The following PACRG variants were observed in gnomAD, a reference collection of about 807,000 sequenced individuals.
PACRG encodes parkin coregulated gene protein.
A neutral mutation model predicts 29.7 loss-of-function variants in PACRG; 29 were observed. The observed-to-expected ratio is 0.98, with a 90% CI of 0.73 to 1.33. PACRG has a LOEUF of 1.33. Ranked by LOEUF, PACRG falls within the 40% of genes most tolerant of loss-of-function variation. PACRG has a pLI of 0.00. For synonymous variants in PACRG, 116 were observed against 118.7 expected, an observed-to-expected ratio of 0.98 and a Z score of 0.15; for missense variants, 279 against 316.2, an observed-to-expected ratio of 0.88 and a Z score of 0.89.
At chr6:162,780,935 A>G (rs532250263) in intron 1 of PACRG, among the ~76,000 whole-genome samples, 2 of 152,206 alleles carry the variant, frequency 1.3e-5, no homozygotes, top group East Asian at 1.9e-4. Flanking sequence ...CATGTAATTC[A>G]AGTCACTGAA....
rs1443759423 is a variant in PACRG, at chr6:163,290,300, A to G, written c.614-24527A>G. Among the ~76,000 whole-genome samples the G allele has an allele frequency of 8.9e-3, 1,342 of 151,558 alleles. 24 individuals carry two copies. Among genetic ancestry groups the G allele is most frequent in the African/African-American group, 0.031 (1,283 of 41,332 alleles). ...CGCGCACACACACACACACACACAC[A>G]CACACACACACACACACACACACAG... On this transcript the variant is annotated intron_variant, in intron 4 of 4. Coordinates refer to ENST00000366888, the MANE Select transcript of PACRG (RefSeq NM_001080379.2).
intron 2 of PACRG, among the ~76,000 whole-genome samples, chr6:162,843,020 G>T (rs1212965456): frequency 7.0e-6 from 1 of 142,578 alleles, no homozygotes; most frequent in Non-Finnish European, 1.5e-5. Flanking sequence ...CTCTCTGGCT[G>T]CCCTTAACAT....
chr6:163,088,709 T>C (rs1813819275), intron 3 of PACRG, among the ~76,000 whole-genome samples: 1 of 152,196 alleles, frequency 6.6e-6, no homozygotes, highest in Non-Finnish European at 1.5e-5. Flanking sequence ...ATTTTGCTTT[T>C]CTTTCCTACT....
chr6:162,859,050 A>C (rs2128438933), intron 2 of PACRG, among the ~76,000 whole-genome samples: 1 of 152,302 alleles, frequency 6.6e-6, no homozygotes, highest in African/African-American at 2.4e-5. Context: ...CTGAACCCCA[A>C]AAATATTCTA....
At chr6:163,196,633 T>C (rs1780462272) in intron 4 of PACRG, among the ~76,000 whole-genome samples, 1 of 152,210 alleles carries the variant, frequency 6.6e-6, no homozygotes, top group African/African-American at 2.4e-5. Context: ...ACTTCAGTGA[T>C]GGTTTCTTGA....
At chr6:163,050,781 G>A (rs914680866) in intron 2 of PACRG, among the ~76,000 whole-genome samples, 7 of 151,930 alleles carry the variant, frequency 4.6e-5, no homozygotes, top group African/African-American at 1.5e-4. Flanking sequence ...ATCTTTTATT[G>A]TAAACTGTCT....
chr6:162,970,842 C>T (rs1801467486), intron 2 of PACRG, among the ~76,000 whole-genome samples: 1 of 102,076 alleles, frequency 9.8e-6, no homozygotes, highest in Non-Finnish European at 2.2e-5. Context: ...CTGGCATTGC[C>T]CCTGTCACCT....
At chr6:162,768,877 G>A (rs1003077039) in intron 1 of PACRG, among the ~76,000 whole-genome samples, 3 of 152,168 alleles carry the variant, frequency 2.0e-5, no homozygotes, top group African/African-American at 7.2e-5. Context: ...ACTCAGAAGT[G>A]AGCTTAAACT....
intron 2 of PACRG, among the ~76,000 whole-genome samples, chr6:163,026,682 G>A (rs11964050): frequency 0.029 from 4,344 of 152,246 alleles, 206 homozygotes; most frequent in African/African-American, 0.099. Flanking sequence ...TTACTGTCAG[G>A]TCCTTGAGGG....
intron 2 of PACRG, among the ~76,000 whole-genome samples, chr6:162,975,599 G>A (rs1032893884): frequency 5.3e-5 from 8 of 152,018 alleles, no homozygotes; most frequent in African/African-American, 1.7e-4. Flanking sequence ...CTGAAGATAA[G>A]TTTGCTGACA....
chr6:162,797,806 T>C (rs945522011), intron 1 of PACRG, among the ~76,000 whole-genome samples: 2 of 152,142 alleles, frequency 1.3e-5, no homozygotes, highest in African/African-American at 4.8e-5. Context: ...TTTTTCCCTT[T>C]TACTTCTTCC....
chr6:162,747,340 A>ATT (rs1343647609), intron 1 of PACRG, among the ~76,000 whole-genome samples: 2,539 of 72,398 alleles, frequency 0.035, 281 homozygotes, highest in African/African-American at 0.17. Flanking sequence ...ATATATATAT[A>ATT]TATATATATA....
At chr6:162,872,711 A>G (rs1792929827) in intron 2 of PACRG, among the ~76,000 whole-genome samples, 1 of 152,154 alleles carries the variant, frequency 6.6e-6, no homozygotes, top group Admixed American at 6.5e-5. Flanking sequence ...TTTTCAAGAA[A>G]AATTGCAGGT....
rs2128362357 is a variant in PACRG at position 162,814,226 on chromosome 6, G to T, written c.236G>T (p.Gly79Val). Residue 79 changes from glycine to valine, a missense_variant, in exon 2 of 5, where the codon GGT (glycine) becomes GTT (valine). Coordinates refer to ENST00000366888, the MANE Select transcript of PACRG (RefSeq NM_001080379.2). ...PTAFRKFYERGDFPIALEHDS... is the reference protein window; with the variant it reads ...PTAFRKFYERVDFPIALEHDS... ...GCATTTCGAAAATTCTATGAGCGAG[G>T]TGACTTCCCAATTGCCCTTGAGCAT... is the stretch of plus-strand genomic sequence containing the variant. The T allele has an allele frequency of 1.2e-6, 2 of 1,613,786 alleles. No homozygotes were observed. Among genetic ancestry groups the T allele is most frequent in the Non-Finnish European group, 1.7e-6 (2 of 1,179,840 alleles).
intron 3 of PACRG, among the ~76,000 whole-genome samples, chr6:163,087,668 A>G (rs1355520046): frequency 1.3e-5 from 2 of 151,162 alleles, no homozygotes; most frequent in African/African-American, 4.9e-5. Context: ...AGAGGAGGTG[A>G]GGATGGAGGC....
At chr6:163,071,875 G>T (rs1812089697) in intron 3 of PACRG, among the ~76,000 whole-genome samples, 1 of 151,468 alleles carries the variant, frequency 6.6e-6, no homozygotes, top group Non-Finnish European at 1.5e-5. Flanking sequence ...TACCTAGGTT[G>T]AATCATAAAG....
chr6:163,063,886 G>A lies in PACRG; in HGVS notation c.463+1565G>A, dbSNP rs372750965. On this transcript the variant is annotated intron_variant, in intron 3 of 4. Transcript: ENST00000366888. Reference sequence around the variant, plus strand: ...GGGAGGGTGTAGCGTCCCGAGCCACGTTAAAACCTTTTCCAAAAGTAATTT... The same window carrying A: ...GGGAGGGTGTAGCGTCCCGAGCCACATTAAAACCTTTTCCAAAAGTAATTT... 1.2e-4 allele frequency among the ~76,000 whole-genome samples: 18 copies of A among 152,252 alleles called. No individual in the cohort carries two copies. In the South Asian group the frequency reaches 2.7e-3, roughly 23 times the overall value.
intron 2 of PACRG, among the ~76,000 whole-genome samples, chr6:162,845,952 A>G (rs1790335838): frequency 6.6e-6 from 1 of 152,202 alleles, no homozygotes; most frequent in Non-Finnish European, 1.5e-5. Context: ...TCAGGGTAGC[A>G]AATGCCAAGA....
chr6:163,215,521 G>C (rs1229183304), intron 4 of PACRG, among the ~76,000 whole-genome samples: 1 of 152,174 alleles, frequency 6.6e-6, no homozygotes, highest in Non-Finnish European at 1.5e-5. Flanking sequence ...ATGTTTTAGG[G>C]AAATATGATA....
Sources: gnomAD v4.1 joint callset for allele counts (sites outside exome capture counted in the v4.1 genomes callset) on GRCh38, gnomAD v4.1.1 for gene constraint, MANE v1.5 for transcripts, NCBI Gene and HGNC (gene_info 2026-07-23, HGNC 2026-07-21) for gene names.